Variants in PRTFDC1 observed in about 807,000 individuals in gnomAD.
PRTFDC1 encodes phosphoribosyltransferase domain-containing protein 1.
A neutral mutation model predicts 34.6 loss-of-function variants in PRTFDC1; 38 were observed. The ratio of observed to expected loss-of-function variants is 1.10; its 90% CI spans 0.85 to 1.44. The LOEUF (loss-of-function observed/expected upper bound fraction) is 1.44, where lower values mean the gene tolerates loss of function less well. Ranked by LOEUF, PRTFDC1 falls within the 40% of genes most tolerant of loss-of-function variation. The pLI, the probability that PRTFDC1 is intolerant of heterozygous loss-of-function variation, is 0.00. For synonymous variants in PRTFDC1, 93 were observed against 98.1 expected, an observed-to-expected ratio of 0.95 and a Z score of 0.31; for missense variants, 270 against 283.0, an observed-to-expected ratio of 0.95 and a Z score of 0.33.
intron 1 of PRTFDC1, among the ~76,000 whole-genome samples, chr10:24,948,349 A>T (rs1014414688): frequency 4.6e-5 from 7 of 152,206 alleles, no homozygotes; most frequent in Non-Finnish European, 1.0e-4. Flanking sequence ...GATAGAGAAG[A>T]TCTTTATCTC....
At chr10:24,944,513 G>C (rs1163738048) in intron 1 of PRTFDC1, among the ~76,000 whole-genome samples, 2 of 152,160 alleles carry the variant, frequency 1.3e-5, no homozygotes, top group Non-Finnish European at 2.9e-5. Context: ...GCCAGGTACA[G>C]TGGCTCATGC....
intron 5 of PRTFDC1, 163 bp from the exon 6 acceptor site, chr10:24,857,158 G>A: frequency 1.5e-6 from 1 of 658,578 alleles, no homozygotes; most frequent in Non-Finnish European, 2.7e-6. Flanking sequence ...ATTTAGACAG[G>A]CGCTTCTTTC....
intron 4 of PRTFDC1, among the ~76,000 whole-genome samples, chr10:24,866,553 A>G (rs16925103): frequency 0.021 from 3,186 of 152,144 alleles, 108 homozygotes; most frequent in African/African-American, 0.072. Context: ...TTACTTTAAT[A>G]GATACACACA....
chr10:24,873,146 CTT>C (rs770128652), intron 3 of PRTFDC1, among the ~76,000 whole-genome samples: 1 of 152,040 alleles, frequency 6.6e-6, no homozygotes, highest in Non-Finnish European at 1.5e-5. Context: ...ATTTAGAAGA[CTT>C]TTCATTCAAA....
intron 3 of PRTFDC1, among the ~76,000 whole-genome samples, chr10:24,906,052 G>A (rs1221363263): frequency 1.3e-5 from 2 of 152,096 alleles, no homozygotes; most frequent in Non-Finnish European, 2.9e-5. Context: ...GTCCTCCAGT[G>A]CCATCCATGT....
intron 4 of PRTFDC1, among the ~76,000 whole-genome samples, chr10:24,870,121 T>A (rs138327327): frequency 0.027 from 4,137 of 152,242 alleles, 71 homozygotes; most frequent in Non-Finnish European, 0.041. Flanking sequence ...TATTATTATT[T>A]TTTTAAGGGA....
intron 8 of PRTFDC1, among the ~76,000 whole-genome samples, chr10:24,850,245 G>A (rs1847460482): frequency 6.6e-6 from 1 of 152,134 alleles, no homozygotes; most frequent in South Asian, 2.1e-4. Context: ...GCACAACATG[G>A]GCTCTTATTC....
chr10:24,889,863 T>A (rs1248082109), intron 3 of PRTFDC1, among the ~76,000 whole-genome samples: 1 of 152,210 alleles, frequency 6.6e-6, no homozygotes, highest in East Asian at 1.9e-4. Flanking sequence ...TTATTAAATT[T>A]TTTCTTTTCC....
intron 4 of PRTFDC1, among the ~76,000 whole-genome samples, chr10:24,871,368 C>T (rs944121785): frequency 5.9e-5 from 9 of 152,138 alleles, no homozygotes; most frequent in East Asian, 1.9e-4. Context: ...ACATCATCTT[C>T]GTTAGGAAAC....
chr10:24,928,804 G>A (rs1326721493), intron 3 of PRTFDC1, among the ~76,000 whole-genome samples: 2 of 151,516 alleles, frequency 1.3e-5, no homozygotes, highest in Non-Finnish European at 2.9e-5. Flanking sequence ...TTGGGAGGCC[G>A]AGACAGGCAG....
chr10:24,906,705 T>C (rs901520287), intron 3 of PRTFDC1, among the ~76,000 whole-genome samples: 1 of 152,332 alleles, frequency 6.6e-6, no homozygotes, highest in East Asian at 1.9e-4. Context: ...AAAAAGGAGA[T>C]TGCTATAAGA....
chr10:24,857,773 T>G (rs1481552254), intron 5 of PRTFDC1, among the ~76,000 whole-genome samples: 1 of 152,206 alleles, frequency 6.6e-6, no homozygotes, highest in Non-Finnish European at 1.5e-5. Context: ...AATTTTTTGC[T>G]GTTTGATGAG....
At chr10:24,946,594 A>G (rs11014318) in intron 1 of PRTFDC1, among the ~76,000 whole-genome samples, 58,641 of 151,962 alleles carry the variant, frequency 0.39, 12,509 homozygotes, top group Middle Eastern at 0.54. Context: ...GACCTTGGGC[A>G]TATTAAATTC....
At chr10:24,898,084 T>C (rs1180865645) in intron 3 of PRTFDC1, among the ~76,000 whole-genome samples, 1 of 152,058 alleles carries the variant, frequency 6.6e-6, no homozygotes, top group African/African-American at 2.4e-5. Flanking sequence ...AAGTGTCCAA[T>C]TCAGGATTTT....
intron 3 of PRTFDC1, among the ~76,000 whole-genome samples, chr10:24,893,970 G>A (rs1848305957): frequency 6.6e-6 from 1 of 152,184 alleles, no homozygotes; most frequent in Non-Finnish European, 1.5e-5. Context: ...CTTGGGTCAA[G>A]GCAGAGGAGG....
chr10:24,929,034 C>A (rs1848927703), intron 3 of PRTFDC1, among the ~76,000 whole-genome samples: 2 of 96,140 alleles, frequency 2.1e-5, no homozygotes, highest in African/African-American at 4.7e-5. Context: ...GAGGCAGACT[C>A]CGTCTCAAAA....
intron 3 of PRTFDC1, among the ~76,000 whole-genome samples, chr10:24,919,647 C>G (rs934370929): frequency 6.6e-6 from 1 of 152,120 alleles, no homozygotes. Flanking sequence ...TCTAATTAAA[C>G]TGAAGAGCTT....
intron 3 of PRTFDC1, among the ~76,000 whole-genome samples, chr10:24,893,458 T>G (rs1329870785): frequency 8.5e-6 from 1 of 117,950 alleles, no homozygotes; most frequent in African/African-American, 3.0e-5. Flanking sequence ...CCAGTTAGTG[T>G]TTTTTTGTTT....
chr10:24,865,912 G>A (rs1318659061), intron 4 of PRTFDC1, among the ~76,000 whole-genome samples: 2 of 152,164 alleles, frequency 1.3e-5, no homozygotes, highest in East Asian at 1.9e-4. Context: ...TTCGTTTTAT[G>A]TGATAATTCA....
Sources: gnomAD v4.1 joint callset for allele counts (sites outside exome capture counted in the v4.1 genomes callset) on GRCh38, gnomAD v4.1.1 for gene constraint, MANE v1.5 for transcripts, NCBI Gene and HGNC (gene_info 2026-07-23, HGNC 2026-07-21) for gene names.